Variants in HS6ST3 observed in about 807,000 individuals in gnomAD.
HS6ST3 encodes heparan-sulfate 6-O-sulfotransferase 3.
A neutral mutation model predicts 36.7 loss-of-function variants in HS6ST3; 12 were observed. That is an observed-to-expected ratio of 0.33 (90% CI 0.21 to 0.53). The LOEUF (loss-of-function observed/expected upper bound fraction) is 0.53, where lower values mean the gene tolerates loss of function less well. Among genes scored for constraint, HS6ST3 ranks in the 20% least tolerant of loss-of-function variants. The pLI, the probability that HS6ST3 is intolerant of heterozygous loss-of-function variation, is 0.95. For missense variants in HS6ST3, 584 were observed against 640.9 expected (o/e 0.91, Z 0.96); for synonymous variants, 240 against 257.5 (o/e 0.93, Z 0.65).
chr13:96,562,399 G>C (rs1253978296), intron 1 of HS6ST3, among the ~76,000 whole-genome samples: 1 of 152,060 alleles, frequency 6.6e-6, no homozygotes, highest in Non-Finnish European at 1.5e-5. Context: ...AAGTGTTGAA[G>C]AACTGTTGGG....
chr13:96,145,023 A>T (rs9516639), intron 1 of HS6ST3, among the ~76,000 whole-genome samples: 2 of 148,654 alleles, frequency 1.3e-5, no homozygotes, highest in African/African-American at 2.5e-5. Flanking sequence ...TATATGTGCC[A>T]CATTTTCTTA....
chr13:96,650,447 T>C (rs1431091503), intron 1 of HS6ST3, among the ~76,000 whole-genome samples: 1 of 152,044 alleles, frequency 6.6e-6, no homozygotes, highest in Non-Finnish European at 1.5e-5. Flanking sequence ...TCTTTCTTGG[T>C]GGGTCACTTC....
At chr13:96,128,357 A>T (rs2053961173) in intron 1 of HS6ST3, among the ~76,000 whole-genome samples, 2 of 152,134 alleles carry the variant, frequency 1.3e-5, no homozygotes. Context: ...TGTCCCATGG[A>T]TATCCTCTCT....
chr13:96,178,186 C>T (rs1650502308), intron 1 of HS6ST3, among the ~76,000 whole-genome samples: 1 of 152,084 alleles, frequency 6.6e-6, no homozygotes, highest in African/African-American at 2.4e-5. Flanking sequence ...ATATTGGATA[C>T]ATGGGAGTAT....
At chr13:96,183,866 A>G (rs1195985051) in intron 1 of HS6ST3, among the ~76,000 whole-genome samples, 1 of 152,152 alleles carries the variant, frequency 6.6e-6, no homozygotes, top group Non-Finnish European at 1.5e-5. Context: ...GATACATAAC[A>G]ATGCAAATGT....
chr13:96,676,062 A>G (rs1318213575), intron 1 of HS6ST3, among the ~76,000 whole-genome samples: 2 of 152,100 alleles, frequency 1.3e-5, no homozygotes, highest in Non-Finnish European at 2.9e-5. Flanking sequence ...GCAGCCCAGA[A>G]CTGCTTCTTG....
chr13:96,243,735 T>C (rs2139373846), intron 1 of HS6ST3, among the ~76,000 whole-genome samples: 1 of 152,304 alleles, frequency 6.6e-6, no homozygotes, highest in Non-Finnish European at 1.5e-5. Flanking sequence ...CATTAGATGC[T>C]CTTTAAAAAA....
intron 1 of HS6ST3, among the ~76,000 whole-genome samples, chr13:96,466,137 T>C (rs2055812574): frequency 6.6e-6 from 1 of 151,974 alleles, no homozygotes; most frequent in African/African-American, 2.4e-5. Context: ...AAAAATGAGC[T>C]AGGCGTGGTG....
intron 1 of HS6ST3, among the ~76,000 whole-genome samples, chr13:96,242,458 A>T (rs1012634728): frequency 3.3e-5 from 5 of 151,848 alleles, no homozygotes; most frequent in Non-Finnish European, 7.4e-5. Flanking sequence ...GGCCCAAGTG[A>T]TCTGCCCACC....
intron 1 of HS6ST3, among the ~76,000 whole-genome samples, chr13:96,746,413 G>T (rs1462970866): frequency 6.6e-6 from 1 of 151,900 alleles, no homozygotes; most frequent in African/African-American, 2.4e-5. Context: ...AAATTCTAAA[G>T]GTGTAAAGAA....
At chr13:96,549,586 G>A (rs1055140912) in intron 1 of HS6ST3, among the ~76,000 whole-genome samples, 1 of 152,096 alleles carries the variant, frequency 6.6e-6, no homozygotes, top group Non-Finnish European at 1.5e-5. Flanking sequence ...AAGGTTATCT[G>A]TCCTTTGATT....
At chr13:96,233,918 T>G (rs2054519826) in intron 1 of HS6ST3, among the ~76,000 whole-genome samples, 1 of 152,100 alleles carries the variant, frequency 6.6e-6, no homozygotes, top group South Asian at 2.1e-4. Flanking sequence ...GGAAATAATT[T>G]GCATTCAGGA....
chr13:96,410,171 G>A (rs1354510575), intron 1 of HS6ST3, among the ~76,000 whole-genome samples: 1 of 152,016 alleles, frequency 6.6e-6, no homozygotes, highest in Non-Finnish European at 1.5e-5. Context: ...GAATCAAGAT[G>A]CTACGCACAA....
intron 1 of HS6ST3, among the ~76,000 whole-genome samples, chr13:96,183,126 A>G (rs1009109659): frequency 1.3e-5 from 2 of 152,106 alleles, no homozygotes; most frequent in African/African-American, 2.4e-5. Flanking sequence ...CATAACCTCC[A>G]TTTTCTTGGA....
At chr13:96,662,781 A>G (rs2056650900) in intron 1 of HS6ST3, among the ~76,000 whole-genome samples, 1 of 151,730 alleles carries the variant, frequency 6.6e-6, no homozygotes, top group Non-Finnish European at 1.5e-5. Flanking sequence ...TTTGCTTTGG[A>G]TGGGATGTTT....
chr13:96,500,443 C>T (rs1168215329), intron 1 of HS6ST3, among the ~76,000 whole-genome samples: 2 of 152,068 alleles, frequency 1.3e-5, no homozygotes, highest in African/African-American at 2.4e-5. Flanking sequence ...TGGGTATATA[C>T]CTGTGAGCAG....
intron 1 of HS6ST3, among the ~76,000 whole-genome samples, chr13:96,527,796 A>G (rs1003738723): frequency 6.6e-6 from 1 of 152,212 alleles, no homozygotes; most frequent in Non-Finnish European, 1.5e-5. Flanking sequence ...GAGTGGTAGC[A>G]GATGCCGTGG....
intron 1 of HS6ST3, among the ~76,000 whole-genome samples, chr13:96,584,354 GA>G (rs1197613840): frequency 6.6e-6 from 1 of 152,050 alleles, no homozygotes; most frequent in African/African-American, 2.4e-5. Context: ...ATGTTGGCCA[GA>G]CTGGTCTTGA....
At chr13:96,570,719 C>T (rs1465923080) in intron 1 of HS6ST3, among the ~76,000 whole-genome samples, 4 of 152,044 alleles carry the variant, frequency 2.6e-5, no homozygotes, top group African/African-American at 7.3e-5. Flanking sequence ...GTACGGGTGA[C>T]CAAAGAGTAG....
Sources: gnomAD v4.1 joint callset for allele counts (sites outside exome capture counted in the v4.1 genomes callset) on GRCh38, gnomAD v4.1.1 for gene constraint, MANE v1.5 for transcripts, NCBI Gene and HGNC (gene_info 2026-07-23, HGNC 2026-07-21) for gene names.